Variants in LMO7 observed in about 807,000 individuals in gnomAD.
LMO7 encodes LIM domain 7, also known as LIM domain only protein 7.
Under a neutral mutation model 206.5 loss-of-function variants are expected in LMO7, and 120 were observed. The observed-to-expected ratio is 0.58, with a 90% CI of 0.50 to 0.68. The LOEUF is 0.68. Ranked by LOEUF, LMO7 falls within the 30% of genes least tolerant of loss-of-function variation. The pLI is 0.00. For synonymous variants in LMO7, 706 were observed against 681.5 expected, an observed-to-expected ratio of 1.04 and a Z score of -0.56; for missense variants, 1,959 against 1,957.9, an observed-to-expected ratio of 1.00 and a Z score of -0.01.
chr13:75,832,523 A>C (rs1305565190), intron 15 of LMO7, among the ~76,000 whole-genome samples: 2 of 152,184 alleles, frequency 1.3e-5, no homozygotes, highest in East Asian at 3.9e-4. Flanking sequence ...GCAAGCAAAA[A>C]TGCCTTGCCA....
intron 4 of LMO7, among the ~76,000 whole-genome samples, chr13:75,770,006 A>G (rs1252945741): frequency 6.6e-6 from 1 of 152,080 alleles, no homozygotes; most frequent in Non-Finnish European, 1.5e-5. Context: ...ACCCATAGTT[A>G]TTGTTTATCT....
At chr13:75,813,626 C>T (rs556866947) in intron 11 of LMO7, among the ~76,000 whole-genome samples, 1 of 152,160 alleles carries the variant, frequency 6.6e-6, no homozygotes, top group South Asian at 2.1e-4. Context: ...CTTGTCTACT[C>T]CAGAGTGTAT....
intron 3 of LMO7, among the ~76,000 whole-genome samples, chr13:75,738,592 A>T (rs2046155168): frequency 6.6e-6 from 1 of 152,082 alleles, no homozygotes; most frequent in Admixed American, 6.6e-5. Context: ...TCACAAAGCC[A>T]TGTTTTTTAA....
intron 1 of LMO7, chr13:75,621,951 A>T: frequency 7.2e-6 from 7 of 978,926 alleles, no homozygotes; most frequent in Non-Finnish European, 9.8e-6. Context: ...TTTCTTTAGG[A>T]ACACATGTAG....
At chr13:75,761,923 G>T (rs1594786382) in intron 4 of LMO7, among the ~76,000 whole-genome samples, 1 of 152,006 alleles carries the variant, frequency 6.6e-6, no homozygotes, top group South Asian at 2.1e-4. Flanking sequence ...CCAGTTCAAA[G>T]ATTTAACTTA....
chr13:75,735,076 C>T (rs867142879), intron 3 of LMO7, among the ~76,000 whole-genome samples: 7 of 147,726 alleles, frequency 4.7e-5, no homozygotes, highest in Admixed American at 1.4e-4. Context: ...CCAGCCTGTG[C>T]GACAGAGCGA....
intron 2 of LMO7, among the ~76,000 whole-genome samples, chr13:75,721,862 T>C (rs1194058981): frequency 6.6e-6 from 1 of 152,188 alleles, no homozygotes. Context: ...AATAGGCACA[T>C]AGACCAATAG....
At chr13:75,716,584 A>C (rs2043551073) in intron 2 of LMO7, among the ~76,000 whole-genome samples, 1 of 152,156 alleles carries the variant, frequency 6.6e-6, no homozygotes, top group Non-Finnish European at 1.5e-5. Context: ...AGGATTGACA[A>C]GTTTTTATAA....
rs560886416 is a variant in LMO7, at chr13:75,823,186, G to A, written c.2641-379G>A. The stretch of plus-strand genomic sequence containing the variant: ...TTTAGTCTGTTCTGAAAAGCAAAAT[G>A]TTGGTGAACTTGTTTAGAGGTTAGA... On this transcript the variant is annotated intron_variant, in intron 14 of 30. Coordinates refer to ENST00000377534, the MANE Select transcript of LMO7 (RefSeq NM_001306080.2). Among the ~76,000 whole-genome samples the A allele has an allele frequency of 2.0e-4, 31 of 152,246 alleles. 1 individual carries two copies. The highest frequency in any genetic ancestry group is 6.0e-4 in the African/African-American group (25 of 41,550).
chr13:75,720,072 A>G (rs1241420179), intron 2 of LMO7, among the ~76,000 whole-genome samples: 1 of 152,164 alleles, frequency 6.6e-6, no homozygotes, highest in Non-Finnish European at 1.5e-5. Flanking sequence ...TTTAATTTAC[A>G]TGTCCCTGAT....
chr13:75,743,430 C>A (rs2046582588), intron 3 of LMO7, among the ~76,000 whole-genome samples: 1 of 152,022 alleles, frequency 6.6e-6, no homozygotes, highest in African/African-American at 2.4e-5. Context: ...TTCACAATAG[C>A]AAAGACATGG....
chr13:75,821,672 A>G (rs899551733), intron 14 of LMO7, 63 bp downstream of exon 14: 5 of 1,206,778 alleles, frequency 4.1e-6, no homozygotes, highest in Non-Finnish European at 5.9e-6. Flanking sequence ...GAACTTGTGC[A>G]GAGGTTGGGG....
chr13:75,711,699 G>A (rs752655637), intron 1 of LMO7, among the ~76,000 whole-genome samples: 3 of 152,314 alleles, frequency 2.0e-5, no homozygotes, highest in East Asian at 1.9e-4. Flanking sequence ...CTTCTGCGTC[G>A]CTCACGCTGG....
intron 10 of LMO7, 30 bp from the exon 11 acceptor site, chr13:75,809,123 CT>C: frequency 6.4e-7 from 1 of 1,572,422 alleles, no homozygotes; most frequent in Non-Finnish European, 8.8e-7. Context: ...GGAAAAATGA[CT>C]TTTTAATTTT....
At chr13:75,719,461 T>C (rs1202249494) in intron 2 of LMO7, among the ~76,000 whole-genome samples, 2 of 152,162 alleles carry the variant, frequency 1.3e-5, no homozygotes, top group African/African-American at 2.4e-5. Context: ...CATGTCAAAT[T>C]GTAATTCCCA....
intron 11 of LMO7, among the ~76,000 whole-genome samples, chr13:75,814,105 CAT>C (rs1483386550): frequency 6.6e-6 from 1 of 152,180 alleles, no homozygotes; most frequent in Non-Finnish European, 1.5e-5. Context: ...CATCTATATT[CAT>C]ATATGTCCTC....
At chr13:75,852,093 A>G (rs1011159142) in intron 27 of LMO7, among the ~76,000 whole-genome samples, 1 of 152,222 alleles carries the variant, frequency 6.6e-6, no homozygotes, top group African/African-American at 2.4e-5. Context: ...TATATTTGCT[A>G]TGTCTAAACT....
chr13:75,652,754 G>A (rs991836624), intron 1 of LMO7, among the ~76,000 whole-genome samples: 1 of 151,746 alleles, frequency 6.6e-6, no homozygotes, highest in Non-Finnish European at 1.5e-5. Context: ...CAAGTAAAAT[G>A]CTGCTTTATT....
chr13:75,717,138 C>T (rs1566344694), intron 2 of LMO7, among the ~76,000 whole-genome samples: 4 of 151,964 alleles, frequency 2.6e-5, no homozygotes, highest in South Asian at 2.1e-4. Context: ...CCGAGGCGGG[C>T]GGATCATGAG....
Sources: allele counts gnomAD v4.1 joint callset (sites outside exome capture counted in the v4.1 genomes callset), GRCh38; gene constraint gnomAD v4.1.1; transcripts MANE v1.5; gene names NCBI Gene and HGNC (gene_info 2026-07-23, HGNC 2026-07-21).